LNPEP: variants seen among roughly 807,000 people sequenced by gnomAD.
LNPEP encodes the protein leucyl and cystinyl aminopeptidase.
In LNPEP, 64 loss-of-function variants were observed where a neutral mutation model predicts 120.6. The ratio of observed to expected loss-of-function variants is 0.53; its 90% CI spans 0.43 to 0.65. The LOEUF is 0.65. Among genes scored for constraint, LNPEP ranks in the 30% least tolerant of loss-of-function variants. The pLI is 0.00. For missense variants in LNPEP, 1,057 were observed against 1,200.0 expected, an observed-to-expected ratio of 0.88 and a Z score of 1.76; for synonymous variants, 435 against 425.4, an observed-to-expected ratio of 1.02 and a Z score of -0.28.
chr5:96,985,043 C>G, intron 2 of LNPEP, 37 bp from the exon 3 acceptor site: 1 of 1,610,844 alleles, frequency 6.2e-7, no homozygotes, highest in Non-Finnish European at 8.5e-7. Context: ...ACAGTAGGTG[C>G]TCAGTAACTA....
chr5:97,014,536 C>T (rs948854338), intron 12 of LNPEP, among the ~76,000 whole-genome samples: 4 of 149,990 alleles, frequency 2.7e-5, no homozygotes, highest in African/African-American at 1.0e-4. Flanking sequence ...AAACAAATTC[C>T]CATTAAACCA....
At chr5:97,019,103 A>G (rs1210020658) in intron 13 of LNPEP, among the ~76,000 whole-genome samples, 1 of 152,242 alleles carries the variant, frequency 6.6e-6, no homozygotes, top group Non-Finnish European at 1.5e-5. Flanking sequence ...AAAATGTAAT[A>G]TACAACATAA....
Position 96,985,124 on chromosome 5 carries a change from C to T in LNPEP, c.905C>T (p.Ala302Val), listed in dbSNP as rs756608118. The T allele has an allele frequency of 5.6e-6, 9 of 1,613,836 alleles. No individual in the cohort carries two copies. Among genetic ancestry groups the T allele is most frequent in the Non-Finnish European group, 7.6e-6 (9 of 1,179,896 alleles). ...TQFEPLAARS[A>V]FPCFDEPAFK... is the part of the protein sequence containing the mutation. ...TTTGAACCCCTGGCAGCAAGATCTGCTTTTCCTTGTTTTGATGAACCAGCA... is the reference window on the plus strand; with the variant it reads ...TTTGAACCCCTGGCAGCAAGATCTGTTTTTCCTTGTTTTGATGAACCAGCA... Residue 302 changes from alanine (A) to valine (V), a missense_variant, in exon 3 of 18, where the codon GCT becomes GTT. By Grantham distance (64) the Ala-to-Val change is moderately conservative. Transcript: ENST00000231368.
At chr5:96,956,078 C>G (rs905800177) in intron 1 of LNPEP, among the ~76,000 whole-genome samples, 3 of 144,220 alleles carry the variant, frequency 2.1e-5, no homozygotes, top group Non-Finnish European at 4.6e-5. Flanking sequence ...ATTAGTTCAC[C>G]TTTTGTGAAA....
chr5:96,963,824 T>C (rs1789662644), intron 1 of LNPEP, among the ~76,000 whole-genome samples: 2 of 152,210 alleles, frequency 1.3e-5, no homozygotes, highest in South Asian at 4.1e-4. Context: ...TTGATACATA[T>C]CTGTGCTATA....
In LNPEP at chr5:97,006,164, A is replaced by G. The variant is rs373937178; in HGVS notation, c.1877A>G (p.Lys626Arg). The G allele has an allele frequency of 1.2e-5, 19 of 1,604,004 alleles. No homozygotes were observed. The highest frequency in any genetic ancestry group is 1.6e-5 in the Non-Finnish European group (19 of 1,175,068). Residue 626 changes from lysine (K) to arginine (R), a missense_variant, in exon 10 of 18, where the codon AAG (lysine) becomes AGG (arginine). Physicochemically the swap from Lys to Arg is conservative, Grantham distance 26. Transcript: ENST00000231368. ...TTAGTGACTGTTCAAAAGAAAGGAA[A>G]GGAACTTTTTATACAACAAGAGAGA... ...FPLVTVQKKG[K>R]ELFIQQERFF...
rs66769873 is a variant in LNPEP at position 96,954,598 on chromosome 5, GTCTCTC to G, written c.19+18440_19+18445del. Among the ~76,000 whole-genome samples the G allele has an allele frequency of 4.0e-4, 43 of 106,400 alleles. 3 individuals carry two copies. The highest frequency in any genetic ancestry group is 5.4e-4 in the Non-Finnish European group (27 of 49,756). The allele number at this position is 106,400 out of a possible 152,430, so 69.8% of individuals were successfully genotyped here. On this transcript the variant is annotated intron_variant, in intron 1 of 17. Coordinates refer to ENST00000231368, the MANE Select transcript of LNPEP (RefSeq NM_005575.3). ...TTCCTCATTCTTCTCATTCTTGCAAGTCTCTCTCTCTCTCTCTCTCTATATATATAT... is the reference window on the plus strand; with the variant it reads ...TTCCTCATTCTTCTCATTCTTGCAAGTCTCTCTCTCTCTCTATATATATAT...
chr5:96,950,644 A>T (rs1789298369), intron 1 of LNPEP, among the ~76,000 whole-genome samples: 1 of 152,248 alleles, frequency 6.6e-6, no homozygotes, highest in Non-Finnish European at 1.5e-5. Flanking sequence ...GTATGAAAGC[A>T]TGAATTTTAG....
intron 11 of LNPEP, chr5:97,010,418 C>G: frequency 1.0e-6 from 1 of 984,788 alleles, no homozygotes; most frequent in Non-Finnish European, 1.2e-6. Flanking sequence ...GTGCCATTCT[C>G]TGCTCTTGCC....
intron 17 of LNPEP, 93 bp from the exon 18 acceptor site, chr5:97,028,309 C>T: frequency 8.9e-7 from 1 of 1,118,622 alleles, no homozygotes; most frequent in Non-Finnish European, 1.4e-6. Flanking sequence ...GCAGCACAGC[C>T]ATCACTAAGT....
intron 1 of LNPEP, among the ~76,000 whole-genome samples, chr5:96,977,492 T>A (rs1331547806): frequency 6.6e-6 from 1 of 152,094 alleles, no homozygotes; most frequent in Non-Finnish European, 1.5e-5. Flanking sequence ...TGGAAGATGC[T>A]TATACCAGTG....
intron 11 of LNPEP, among the ~76,000 whole-genome samples, chr5:97,013,225 A>G (rs570442447): frequency 5.9e-4 from 90 of 152,310 alleles, no homozygotes; most frequent in African/African-American, 1.9e-3. Flanking sequence ...TAGAAGAATG[A>G]CAACTTAGAT....
intron 4 of LNPEP, among the ~76,000 whole-genome samples, chr5:96,989,824 G>T (rs1015865043): frequency 3.3e-5 from 5 of 152,184 alleles, no homozygotes; most frequent in African/African-American, 1.2e-4. Flanking sequence ...AAAAGAAAAA[G>T]AAGTAGAAAG....
chr5:97,010,767 TA>T (rs1175112838), intron 11 of LNPEP: 1 of 985,366 alleles, frequency 1.0e-6, no homozygotes, highest in Non-Finnish European at 1.2e-6. Flanking sequence ...ATGACTATAG[TA>T]AATTAAAAAC....
At chr5:96,963,687 G>A (rs1489728826) in intron 1 of LNPEP, among the ~76,000 whole-genome samples, 3 of 152,156 alleles carry the variant, frequency 2.0e-5, no homozygotes, top group Non-Finnish European at 4.4e-5. Flanking sequence ...ATTCAGTGGC[G>A]ATAGAAACTT....
rs1178583212 is a variant in LNPEP at position 97,012,144 on chromosome 5, T to G, written c.2036-1504T>G. On this transcript the variant is annotated intron_variant, in intron 11 of 17. Coordinates refer to ENST00000231368, the MANE Select transcript of LNPEP (RefSeq NM_005575.3). ...ATTGTTCAAAATAGATTGGATAAAC[T>G]TGAAATGAAATATTATGAAGATATT... is the stretch of plus-strand genomic sequence containing the variant. Among the ~76,000 whole-genome samples, 4 of 152,132 alleles carry G rather than the reference T, an allele frequency of 2.6e-5. No homozygotes were observed. The East Asian group carries it at 7.7e-4, about 29-fold the overall frequency.
At chr5:97,011,101 G>A (rs1790914382) in intron 11 of LNPEP, 1 of 985,274 alleles carries the variant, frequency 1.0e-6, no homozygotes, top group South Asian at 4.7e-5. Context: ...TATTCCGTAT[G>A]TATTTCAATG....
In LNPEP at chr5:97,036,001, T is replaced by G. The variant is rs1050244241; in HGVS notation, c.*7468T>G. 1.3e-5 allele frequency: 2 copies of G among 152,166 alleles called. No individual in the cohort carries two copies. The highest frequency in any genetic ancestry group is 4.8e-5 in the African/African-American group (2 of 41,438). 9.4% of individuals were successfully genotyped at this position (152,166 alleles called of 1,614,324 possible). ...TTTAAACTTCATTGCTCATATATCTTTTAGTAACTGGTAAACCGGCGAAGC... is the reference window on the plus strand; with the variant it reads ...TTTAAACTTCATTGCTCATATATCTGTTAGTAACTGGTAAACCGGCGAAGC... On this transcript the variant is annotated 3_prime_UTR_variant, in exon 18 of 18. Transcript: ENST00000231368.
chr5:97,024,855 A>G (rs1033706599), intron 15 of LNPEP, among the ~76,000 whole-genome samples, 173 bp downstream of exon 15: 1 of 152,098 alleles, frequency 6.6e-6, no homozygotes, highest in Non-Finnish European at 1.5e-5. Context: ...ATCTTTATGG[A>G]CAAGCAGAAA....
Sources: allele counts gnomAD v4.1 joint callset (sites outside exome capture counted in the v4.1 genomes callset), GRCh38; gene constraint gnomAD v4.1.1; transcripts MANE v1.5; gene names NCBI Gene and HGNC (gene_info 2026-07-23, HGNC 2026-07-21).